The following MYO3B variants were observed in gnomAD, a reference collection of about 807,000 sequenced individuals.
The protein encoded by MYO3B is myosin IIIB, also known as myosin-IIIb.
Under a neutral mutation model 174.6 loss-of-function variants are expected in MYO3B, and 156 were observed. That is an observed-to-expected ratio of 0.89 (90% confidence interval 0.78 to 1.02). The LOEUF is 1.02. Ranked by LOEUF, MYO3B falls within the 50% of genes least tolerant of loss-of-function variation. MYO3B has a pLI of 0.00. For missense variants in MYO3B, 1,632 were observed against 1,639.4 expected (o/e 1.00, Z 0.08); for synonymous variants, 563 against 569.1 (o/e 0.99, Z 0.15).
At position 170,400,325 on chromosome 2, in the gene MYO3B, G is replaced by A. The variant is rs1409199693; in HGVS notation, c.1918+11G>A. The A allele has an allele frequency of 4.3e-6, 7 of 1,611,558 alleles. No homozygotes were observed. The Admixed American group carries it at 1.0e-4, about 23-fold the overall frequency. The stretch of plus-strand genomic sequence containing the variant: ...AAGCTTTGCAAAATGGTAATTATTT[G>A]ATATTTGTGGGCTGTGTTGTTGCCA... On this transcript the variant is annotated intron_variant, in intron 17 of 34. Coordinates refer to ENST00000408978, the MANE Select transcript of MYO3B (RefSeq NM_138995.5).
chr2:170,266,879 G>T (rs1160321135), intron 7 of MYO3B, among the ~76,000 whole-genome samples: 1 of 152,192 alleles, frequency 6.6e-6, no homozygotes, highest in African/African-American at 2.4e-5. Flanking sequence ...CAAACTTGCA[G>T]TTTTCCAGAA....
chr2:170,212,707 C>A (rs920408335), intron 3 of MYO3B, among the ~76,000 whole-genome samples: 1 of 152,142 alleles, frequency 6.6e-6, no homozygotes, highest in Non-Finnish European at 1.5e-5. Context: ...CCGATTGATT[C>A]CCAGGTCACC....
intron 32 of MYO3B, among the ~76,000 whole-genome samples, chr2:170,599,201 C>G (rs939412885): frequency 6.6e-6 from 1 of 152,208 alleles, no homozygotes; most frequent in African/African-American, 2.4e-5. Context: ...CTGTACCACC[C>G]AGTAGTAAGG....
At chr2:170,565,660 A>G (rs1169628044) in intron 32 of MYO3B, among the ~76,000 whole-genome samples, 1 of 152,216 alleles carries the variant, frequency 6.6e-6, no homozygotes, top group African/African-American at 2.4e-5. Context: ...GGGGGACTAT[A>G]AGGAATGACA....
intron 1 of MYO3B, among the ~76,000 whole-genome samples, chr2:170,178,690 A>G (rs964604522): frequency 6.6e-6 from 1 of 152,174 alleles, no homozygotes; most frequent in Non-Finnish European, 1.5e-5. Flanking sequence ...GCTTGAGGCC[A>G]AATTGAAGGG....
At chr2:170,447,317 G>A (rs1462239441) in intron 23 of MYO3B, among the ~76,000 whole-genome samples, 1 of 152,090 alleles carries the variant, frequency 6.6e-6, no homozygotes, top group Non-Finnish European at 1.5e-5. Flanking sequence ...GGTGCTGTCG[G>A]GTTTTTTTTC....
At chr2:170,452,808 G>A (rs1289531786) in intron 23 of MYO3B, among the ~76,000 whole-genome samples, 4 of 152,142 alleles carry the variant, frequency 2.6e-5, no homozygotes, top group African/African-American at 2.4e-5. Flanking sequence ...ATCAGAAGCC[G>A]TCCATAGGGG....
intron 16 of MYO3B, among the ~76,000 whole-genome samples, chr2:170,399,877 A>T (rs1411415011): frequency 6.6e-6 from 1 of 152,236 alleles, no homozygotes; most frequent in Non-Finnish European, 1.5e-5. Context: ...AGGCATCCTC[A>T]TCAGTGGCAT....
At position 170,401,652 on chromosome 2, in the gene MYO3B, A is replaced by G; in HGVS notation, c.2090A>G (p.Asn697Ser). Residue 697 changes from asparagine to serine, a missense_variant, in exon 18 of 35, where the codon AAT (asparagine) becomes AGT (serine). Coordinates refer to ENST00000408978, the MANE Select transcript of MYO3B (RefSeq NM_138995.5). ...LYGRLFSWIV[N>S]RINTLLQPDE... Reference sequence around the variant, plus strand: ...GGGAGGCTCTTCAGCTGGATTGTGAATCGCATTAATACACTCCTGCAGCCA... The same window carrying G: ...GGGAGGCTCTTCAGCTGGATTGTGAGTCGCATTAATACACTCCTGCAGCCA... The G allele has an allele frequency of 6.2e-7, 1 of 1,614,072 alleles. No homozygotes were observed. The highest frequency in any genetic ancestry group is 8.5e-7 in the Non-Finnish European group (1 of 1,180,014).
chr2:170,544,949 A>G (rs1690383229), intron 32 of MYO3B, among the ~76,000 whole-genome samples: 1 of 152,212 alleles, frequency 6.6e-6, no homozygotes, highest in Non-Finnish European at 1.5e-5. Flanking sequence ...GGGGAAAAAC[A>G]GTATAATGGA....
chr2:170,206,512 T>G lies in MYO3B; in HGVS notation c.321+6228T>G, dbSNP rs142765008. On this transcript the variant is annotated intron_variant, in intron 3 of 34. Transcript: ENST00000408978. This position sits in a 1 kb window ranked among gnomAD's most constrained non-coding sequence, Gnocchi z 4.3. ...TATTGATAACAAAGAGGTGCCTTTC[T>G]TCTCAATAACTGAACTAAACTGGGT... Among the ~76,000 whole-genome samples the G allele has an allele frequency of 4.7e-4, 71 of 152,342 alleles. No individual in the cohort carries two copies. The highest frequency in any genetic ancestry group is 1.4e-3 in the African/African-American group (57 of 41,582).
chr2:170,214,591 G>A lies in MYO3B; in HGVS notation c.426+108G>A, dbSNP rs866564291. 1.6e-5 allele frequency: 21 copies of A among 1,322,062 alleles called. No homozygotes were observed. The South Asian group carries it at 2.5e-4, about 16-fold the overall frequency. 81.9% of individuals were successfully genotyped at this position (1,322,062 alleles called of 1,614,324 possible). On this transcript the variant is annotated intron_variant, in intron 4 of 34. Coordinates refer to ENST00000408978, the MANE Select transcript of MYO3B (RefSeq NM_138995.5). ...GGGAAACTGCCCTATGATATGCAAGGATTACTAACAGCAGGAAGGTGTAGC... is the reference window on the plus strand; with the variant it reads ...GGGAAACTGCCCTATGATATGCAAGAATTACTAACAGCAGGAAGGTGTAGC...
chr2:170,181,593 A>C (rs895455870), intron 1 of MYO3B, among the ~76,000 whole-genome samples: 1 of 152,104 alleles, frequency 6.6e-6, no homozygotes. Context: ...CAGATGAAGA[A>C]GTTCCTTTCA....
chr2:170,597,439 G>A lies in MYO3B; in HGVS notation c.3733+53451G>A, dbSNP rs748728983. 1.2e-3 allele frequency among the ~76,000 whole-genome samples: 179 copies of A among 151,414 alleles called. 1 individual carries two copies. The highest frequency in any genetic ancestry group is 1.9e-3 in the Non-Finnish European group (129 of 67,948). On this transcript the variant is annotated intron_variant, in intron 32 of 34. Transcript: ENST00000408978. ...CCTCCCAGACTCTTCAGCCAACCAA[G>A]CAAGGAGCTGTGGAGGTTGGAGAAC...
chr2:170,620,384 T>G (rs911366519), intron 32 of MYO3B, among the ~76,000 whole-genome samples: 2 of 152,216 alleles, frequency 1.3e-5, no homozygotes, highest in African/African-American at 4.8e-5. Flanking sequence ...GAATGTCAGC[T>G]CCTCTTCCAT....
chr2:170,290,274 G>T (rs2093587194), intron 7 of MYO3B, among the ~76,000 whole-genome samples: 1 of 152,040 alleles, frequency 6.6e-6, no homozygotes. Context: ...TGAGAATGGG[G>T]TGCTAAAGTT....
chr2:170,538,670 G>A (rs978347533), intron 30 of MYO3B, among the ~76,000 whole-genome samples: 2 of 152,188 alleles, frequency 1.3e-5, no homozygotes, highest in African/African-American at 2.4e-5. Context: ...CAGATGCCCA[G>A]CAGAAGGGTT....
chr2:170,260,766 G>A (rs546758609), intron 7 of MYO3B, among the ~76,000 whole-genome samples: 5 of 152,292 alleles, frequency 3.3e-5, no homozygotes, highest in African/African-American at 1.2e-4. Flanking sequence ...TGGAGCTATG[G>A]GGATAAAAAC....
chr2:170,536,155 C>T (rs1292754369), intron 30 of MYO3B, among the ~76,000 whole-genome samples: 1 of 152,182 alleles, frequency 6.6e-6, no homozygotes, highest in Non-Finnish European at 1.5e-5. Context: ...ACTGTATGGG[C>T]TCACGGTTGG....
Sources: gnomAD v4.1 joint callset for allele counts (sites outside exome capture counted in the v4.1 genomes callset) on GRCh38, gnomAD v4.1.1 for gene constraint, Gnocchi (gnomAD v3.1) non-coding constraint, MANE v1.5 for transcripts, NCBI Gene and HGNC (gene_info 2026-07-23, HGNC 2026-07-21) for gene names.